Variants in LIN52 observed in about 807,000 individuals in gnomAD.
The protein encoded by LIN52 is protein lin-52 homolog.
LIN52 carries 4 observed loss-of-function variants against 18.5 expected under a neutral mutation model. The observed-to-expected ratio is 0.22, with a 90% CI of 0.11 to 0.49. The LOEUF is 0.49. Among genes scored for constraint, LIN52 ranks in the 20% least tolerant of loss-of-function variants. LIN52 has a pLI of 0.97. For missense variants in LIN52, 102 were observed against 139.5 expected (o/e 0.73, Z 1.35); for synonymous variants, 34 against 45.5 (o/e 0.75, Z 1.02).
chr14:74,155,294 G>A (rs922767364), intron 5 of LIN52, among the ~76,000 whole-genome samples: 2 of 152,194 alleles, frequency 1.3e-5, no homozygotes, highest in Admixed American at 6.6e-5. Context: ...GGGCTAATCA[G>A]GGCAGGCTGA....
chr14:74,092,910 CTT>C (rs920642981), intron 2 of LIN52, among the ~76,000 whole-genome samples: 4 of 151,406 alleles, frequency 2.6e-5, no homozygotes, highest in African/African-American at 9.7e-5. Context: ...GAGAAAGACT[CTT>C]TCTCAAAAAA....
intron 1 of LIN52, among the ~76,000 whole-genome samples, chr14:74,086,718 C>T (rs1348929562): frequency 6.6e-6 from 1 of 151,910 alleles, no homozygotes; most frequent in Non-Finnish European, 1.5e-5. Flanking sequence ...ATTCTCCTGC[C>T]TGGGTGCGCT....
chr14:74,141,862 A>G (rs149686590), intron 5 of LIN52, among the ~76,000 whole-genome samples: 1 of 152,312 alleles, frequency 6.6e-6, no homozygotes, highest in African/African-American at 2.4e-5. Flanking sequence ...TTTCTACTTC[A>G]GAAGTTCCAG....
intron 5 of LIN52, among the ~76,000 whole-genome samples, chr14:74,126,101 T>C (rs2061028733): frequency 6.7e-6 from 1 of 149,368 alleles, no homozygotes; most frequent in Non-Finnish European, 1.5e-5. Context: ...GAAATACAAA[T>C]GGCTAACAAG....
chr14:74,194,061 T>C (rs1248253117), intron 5 of LIN52, among the ~76,000 whole-genome samples: 1 of 152,252 alleles, frequency 6.6e-6, no homozygotes, highest in Non-Finnish European at 1.5e-5. Context: ...CAGAATTTTA[T>C]CAGGCAATTG....
chr14:74,185,957 AT>A (rs2061339085), intron 5 of LIN52, among the ~76,000 whole-genome samples: 1 of 152,132 alleles, frequency 6.6e-6, no homozygotes, highest in Non-Finnish European at 1.5e-5. Context: ...TGCATATGTA[AT>A]TTTACTTAAA....
intron 5 of LIN52, among the ~76,000 whole-genome samples, chr14:74,153,548 ATT>A (rs34668824): frequency 1.4e-5 from 2 of 145,316 alleles, no homozygotes; most frequent in African/African-American, 2.5e-5. Flanking sequence ...ATGGAAAATG[ATT>A]TTTTTTTTTT....
chr14:74,114,073 C>T (rs903076770), intron 5 of LIN52: 13 of 912,278 alleles, frequency 1.4e-5, no homozygotes, highest in East Asian at 1.2e-4. Flanking sequence ...CCCTACCTCC[C>T]GGGCTCAAGC....
intron 5 of LIN52, among the ~76,000 whole-genome samples, chr14:74,187,308 C>G (rs1335230165): frequency 6.6e-6 from 1 of 152,070 alleles, no homozygotes; most frequent in Non-Finnish European, 1.5e-5. Context: ...ATTGCATTGC[C>G]TCTCTTAACC....
intron 5 of LIN52, among the ~76,000 whole-genome samples, chr14:74,152,959 CAAAAAAAAAA>C (rs1189515836): frequency 2.4e-5 from 1 of 41,556 alleles, no homozygotes; most frequent in Non-Finnish European, 5.4e-5. Context: ...GACTCTGTCT[CAAAAAAAAAA>C]AAAAAAAAAA....
intron 5 of LIN52, among the ~76,000 whole-genome samples, chr14:74,153,285 A>G (rs772076648): frequency 4.6e-5 from 7 of 152,142 alleles, no homozygotes; most frequent in Non-Finnish European, 8.8e-5. Flanking sequence ...ACCCCTCCCA[A>G]CTATATTTTA....
chr14:74,131,188 G>GTATACTTTGTCAAATTC (rs144128916), intron 5 of LIN52, among the ~76,000 whole-genome samples: 33,071 of 150,716 alleles, frequency 0.22, 3,889 homozygotes, highest in South Asian at 0.46. Flanking sequence ...CCATTGTCCA[G>GTATACTTTGTCAAATTC]TATAGTTGTG....
At chr14:74,113,808 C>T (rs2060946034) in intron 5 of LIN52, among the ~76,000 whole-genome samples, 1 of 151,710 alleles carries the variant, frequency 6.6e-6, no homozygotes, top group South Asian at 2.1e-4. Context: ...AGAAAACCAC[C>T]AACAAACCAT....
At chr14:74,178,497 G>A (rs761916203) in intron 5 of LIN52, among the ~76,000 whole-genome samples, 5 of 149,342 alleles carry the variant, frequency 3.3e-5, no homozygotes, top group African/African-American at 9.9e-5. Context: ...TTGCTCTGTC[G>A]CCCAGGCTGG....
At chr14:74,102,965 T>A (rs2060868929) in intron 5 of LIN52, among the ~76,000 whole-genome samples, 2 of 152,232 alleles carry the variant, frequency 1.3e-5, no homozygotes, top group South Asian at 4.1e-4. Flanking sequence ...TTGTTTTACT[T>A]ATAACAATTT....
chr14:74,085,199 C>T, intron 1 of LIN52: 1 of 413,816 alleles, frequency 2.4e-6, no homozygotes, highest in Non-Finnish European at 4.2e-6. Flanking sequence ...CCGCTCTGTA[C>T]CAGGCGTGTG....
chr14:74,151,288 A>G (rs1392418879), intron 5 of LIN52, among the ~76,000 whole-genome samples: 2 of 152,218 alleles, frequency 1.3e-5, no homozygotes, highest in Admixed American at 6.5e-5. Context: ...TTGTGAATGA[A>G]GCAATAATAA....
chr14:74,125,594 T>C (rs2061025058), intron 5 of LIN52, among the ~76,000 whole-genome samples: 1 of 152,052 alleles, frequency 6.6e-6, no homozygotes, highest in African/African-American at 2.4e-5. Flanking sequence ...CACATGTATG[T>C]TTATTGCGGC....
chr14:74,176,981 G>A (rs1326050765), intron 5 of LIN52, among the ~76,000 whole-genome samples: 1 of 151,732 alleles, frequency 6.6e-6, no homozygotes, highest in Non-Finnish European at 1.5e-5. Context: ...ATTCATCAGT[G>A]GGACATTTGG....
Sources: allele counts gnomAD v4.1 joint callset (sites outside exome capture counted in the v4.1 genomes callset), GRCh38; gene constraint gnomAD v4.1.1; transcripts MANE v1.5; gene names NCBI Gene and HGNC (gene_info 2026-07-23, HGNC 2026-07-21).